ERC1: variants seen among roughly 807,000 people sequenced by gnomAD.
The protein encoded by ERC1 is RAB6 interacting protein 2.
In ERC1, 56 loss-of-function variants were observed where a neutral mutation model predicts 132.0. The observed-to-expected ratio is 0.42, with a 90% confidence interval of 0.34 to 0.53. The LOEUF is 0.53. ERC1 is among the 20% of genes least tolerant of loss of function. ERC1 has a pLI of 0.03. For synonymous variants in ERC1, 478 were observed against 476.1 expected, an observed-to-expected ratio of 1.00 and a Z score of -0.05; for missense variants, 1,202 against 1,349.9, an observed-to-expected ratio of 0.89 and a Z score of 1.72.
At chr12:1,208,796 GT>G (rs2154289291) in intron 12 of ERC1, among the ~76,000 whole-genome samples, 1 of 151,828 alleles carries the variant, frequency 6.6e-6, no homozygotes, top group Admixed American at 6.6e-5. Context: ...TTTTTGTTTT[GT>G]TTTGAGATGA....
intron 8 of ERC1, among the ~76,000 whole-genome samples, chr12:1,162,053 C>T: frequency 6.6e-6 from 1 of 152,184 alleles, no homozygotes; most frequent in East Asian, 1.9e-4. Flanking sequence ...GTCTCTGGTT[C>T]TGTCTGGGCC....
chr12:1,380,188 G>C (rs916199236), intron 16 of ERC1: 4 of 152,202 alleles, frequency 2.6e-5, no homozygotes, highest in African/African-American at 9.7e-5. Flanking sequence ...AGGCCTGCAG[G>C]GGGAAAGGGA....
At chr12:1,349,680 A>AT (rs58080326) in intron 15 of ERC1, among the ~76,000 whole-genome samples, 1 of 150,762 alleles carries the variant, frequency 6.6e-6, no homozygotes, top group Non-Finnish European at 1.5e-5. Context: ...AAAAAAAAAA[A>AT]GTTATTTTTG....
At chr12:1,208,354 T>TG (rs11407065) in intron 12 of ERC1, among the ~76,000 whole-genome samples, 63,904 of 151,912 alleles carry the variant, frequency 0.42, 14,872 homozygotes, top group African/African-American at 0.62. Flanking sequence ...CAGCTTTTTT[T>TG]CATGTTTTTA....
chr12:1,203,966 A>G (rs1439903345), intron 12 of ERC1: 1 of 152,496 alleles, frequency 6.6e-6, no homozygotes, highest in African/African-American at 2.4e-5. Context: ...TTATGTTTTA[A>G]CATTTGAGAA....
intron 2 of ERC1, among the ~76,000 whole-genome samples, chr12:1,054,498 T>G (rs1450693784): frequency 6.6e-6 from 1 of 151,998 alleles, no homozygotes; most frequent in East Asian, 1.9e-4. Context: ...TAGATATATT[T>G]AACTGACCTT....
chr12:1,384,008 C>T (rs1379099865), intron 16 of ERC1, among the ~76,000 whole-genome samples: 1 of 152,162 alleles, frequency 6.6e-6, no homozygotes, highest in Non-Finnish European at 1.5e-5. Flanking sequence ...CAGAGCCGAT[C>T]ATATCACTCC....
intron 18 of ERC1, among the ~76,000 whole-genome samples, chr12:1,486,668 G>T (rs113503215): frequency 6.6e-6 from 1 of 151,980 alleles, no homozygotes; most frequent in African/African-American, 2.4e-5. Context: ...CAAGGGATCC[G>T]CCCACCTCGG....
At chr12:1,311,406 G>A (rs528933622) in intron 15 of ERC1, among the ~76,000 whole-genome samples, 1 of 152,184 alleles carries the variant, frequency 6.6e-6, no homozygotes, top group African/African-American at 2.4e-5. Flanking sequence ...AGAGGTATGA[G>A]ATCAGCCTTA....
At chr12:1,477,726 A>G (rs1242842383) in intron 18 of ERC1, among the ~76,000 whole-genome samples, 1 of 152,174 alleles carries the variant, frequency 6.6e-6, no homozygotes, top group Non-Finnish European at 1.5e-5. Context: ...CAAGCAGCAG[A>G]ATGTTACCAG....
intron 7 of ERC1, among the ~76,000 whole-genome samples, chr12:1,131,589 G>A (rs1291346547): frequency 1.3e-5 from 2 of 151,892 alleles, no homozygotes; most frequent in Admixed American, 1.3e-4. Flanking sequence ...AGCCTCCCGA[G>A]TAGCTGGGAT....
intron 7 of ERC1, among the ~76,000 whole-genome samples, chr12:1,140,486 G>A (rs73041038): frequency 0.1 from 15,713 of 152,140 alleles, 956 homozygotes; most frequent in South Asian, 0.18. Context: ...TTTAAGTGTC[G>A]TGTCAGTGCT....
chr12:1,336,603 G>A lies in ERC1; in HGVS notation c.2781-35230G>A, dbSNP rs191304728. ...TTGATTTCTAATTTGATCATGCTGC[G>A]GTCTGAGAGAGTGTTTATTATTTCA... On this transcript the variant is annotated intron_variant, in intron 15 of 18. Coordinates refer to ENST00000360905, the MANE Select transcript of ERC1 (RefSeq NM_178040.4). Among the ~76,000 whole-genome samples, 227 of 152,188 alleles carry A rather than the reference G, an allele frequency of 1.5e-3. 1 individual carries two copies. The highest frequency in any genetic ancestry group is 4.9e-3 in the African/African-American group (203 of 41,530).
chr12:1,210,368 G>C (rs1273050457), intron 12 of ERC1, among the ~76,000 whole-genome samples: 1 of 152,190 alleles, frequency 6.6e-6, no homozygotes, highest in Non-Finnish European at 1.5e-5. Context: ...TCTTTAAGAC[G>C]GTCTTTTTAA....
intron 14 of ERC1, among the ~76,000 whole-genome samples, chr12:1,280,557 T>G (rs1366819515): frequency 3.9e-5 from 6 of 152,212 alleles, no homozygotes; most frequent in Non-Finnish European, 7.3e-5. Flanking sequence ...TCTCTCCAAG[T>G]ATCTGTAATC....
chr12:1,463,963 A>T (rs1415938144), intron 18 of ERC1, among the ~76,000 whole-genome samples: 8 of 152,134 alleles, frequency 5.3e-5, no homozygotes, highest in African/African-American at 1.7e-4. Context: ...CCGGGGGAAG[A>T]CAGGGTACTA....
chr12:1,323,240 G>C (rs917600045), intron 15 of ERC1, among the ~76,000 whole-genome samples: 1 of 151,582 alleles, frequency 6.6e-6, no homozygotes, highest in African/African-American at 2.4e-5. Flanking sequence ...TTGAAGTATG[G>C]TGCTTGCTGG....
intron 16 of ERC1, among the ~76,000 whole-genome samples, chr12:1,394,154 A>G (rs1187778618): frequency 2.0e-5 from 3 of 151,884 alleles, no homozygotes; most frequent in Admixed American, 6.6e-5. Context: ...TAATCCCAGC[A>G]CTTTGGGAGG....
intron 7 of ERC1, among the ~76,000 whole-genome samples, chr12:1,135,974 A>G (rs145145817): frequency 2.6e-4 from 39 of 152,346 alleles, no homozygotes; most frequent in African/African-American, 9.4e-4. Context: ...AAAGCATTTC[A>G]GGTATTATCA....
Sources: allele counts gnomAD v4.1 joint callset (sites outside exome capture counted in the v4.1 genomes callset), GRCh38; gene constraint gnomAD v4.1.1; transcripts MANE v1.5; gene names NCBI Gene and HGNC (gene_info 2026-07-23, HGNC 2026-07-21).